PLCL1: variants seen among roughly 807,000 people sequenced by gnomAD.
PLCL1 encodes the protein phospholipase C like 1 (inactive), also known as inactive phospholipase C-like protein 1.
Under a neutral mutation model 84.4 loss-of-function variants are expected in PLCL1, and 41 were observed. The ratio of observed to expected loss-of-function variants is 0.49; its 90% CI spans 0.38 to 0.63. The LOEUF (loss-of-function observed/expected upper bound fraction) is 0.63, where lower values mean the gene tolerates loss of function less well. Among genes scored for constraint, PLCL1 ranks in the 30% least tolerant of loss-of-function variants. The pLI, the probability that PLCL1 is intolerant of heterozygous loss-of-function variation, is 0.00. For missense variants in PLCL1, 1,206 were observed against 1,367.8 expected, an observed-to-expected ratio of 0.88 and a Z score of 1.87; for synonymous variants, 490 against 488.3, an observed-to-expected ratio of 1.00 and a Z score of -0.05.
chr2:198,035,762 C>T (rs976541410), intron 1 of PLCL1, among the ~76,000 whole-genome samples: 1 of 152,202 alleles, frequency 6.6e-6, no homozygotes, highest in East Asian at 1.9e-4. Context: ...TGGCTGGATG[C>T]GGTGGCTCAC....
At chr2:198,079,547 G>A (rs6716898) in intron 1 of PLCL1, among the ~76,000 whole-genome samples, 77,616 of 151,742 alleles carry the variant, frequency 0.51, 20,562 homozygotes, top group Middle Eastern at 0.66. Flanking sequence ...GTGCTCATAG[G>A]TAAATCAATC....
intron 1 of PLCL1, among the ~76,000 whole-genome samples, chr2:197,859,180 C>CTG (rs3056078): frequency 0.73 from 110,429 of 151,872 alleles, 41,196 homozygotes; most frequent in African/African-American, 0.9. Flanking sequence ...ACCACTAGCT[C>CTG]TGCCTGAAAT....
intron 1 of PLCL1, among the ~76,000 whole-genome samples, chr2:197,878,805 G>T (rs1220440532): frequency 6.6e-6 from 1 of 152,136 alleles, no homozygotes; most frequent in African/African-American, 2.4e-5. Context: ...GGGAGGGAGA[G>T]TCAAGGAAAT....
chr2:197,987,418 G>A (rs555677908), intron 1 of PLCL1, among the ~76,000 whole-genome samples: 1 of 152,296 alleles, frequency 6.6e-6, no homozygotes, highest in African/African-American at 2.4e-5. Context: ...CTCCTTTGGA[G>A]GGGGCATTTG....
At chr2:197,822,969 A>G (rs1302596631) in intron 1 of PLCL1, among the ~76,000 whole-genome samples, 1 of 152,208 alleles carries the variant, frequency 6.6e-6, no homozygotes, top group Non-Finnish European at 1.5e-5. Flanking sequence ...TGGCAGCTGG[A>G]TTCAATTTAA....
At chr2:197,990,870 T>G (rs1053489472) in intron 1 of PLCL1, among the ~76,000 whole-genome samples, 2 of 152,150 alleles carry the variant, frequency 1.3e-5, no homozygotes, top group Admixed American at 6.5e-5. Context: ...ACTCATGGAA[T>G]TTATAGCATT....
intron 1 of PLCL1, among the ~76,000 whole-genome samples, chr2:198,011,199 TTTA>T (rs1690860989): frequency 6.6e-6 from 1 of 151,888 alleles, no homozygotes; most frequent in Non-Finnish European, 1.5e-5. Flanking sequence ...AAGGTATAAA[TTTA>T]GGTTGTTGAT....
intron 1 of PLCL1, among the ~76,000 whole-genome samples, chr2:197,859,087 A>T (rs866277072): frequency 3.3e-5 from 5 of 152,300 alleles, no homozygotes; most frequent in Middle Eastern, 3.4e-3. Context: ...GAGGCATAAG[A>T]TTAGCCCAGA....
intron 1 of PLCL1, among the ~76,000 whole-genome samples, chr2:197,915,810 C>T (rs1490482016): frequency 6.6e-6 from 1 of 152,104 alleles, no homozygotes; most frequent in Non-Finnish European, 1.5e-5. Context: ...CTTGGTGATG[C>T]GAAGGCTGAG....
intron 5 of PLCL1, among the ~76,000 whole-genome samples, chr2:198,132,878 G>C (rs972223634): frequency 1.1e-4 from 16 of 151,598 alleles, no homozygotes; most frequent in Non-Finnish European, 2.1e-4. Flanking sequence ...ATTGCTTTTG[G>C]TGTTTTGGAC....
At chr2:197,905,711 C>T (rs1461663843) in intron 1 of PLCL1, among the ~76,000 whole-genome samples, 1 of 152,216 alleles carries the variant, frequency 6.6e-6, no homozygotes, top group Admixed American at 6.5e-5. Context: ...TCCTATTTCT[C>T]CACAGCCTTG....
At chr2:198,001,873 C>T (rs372215840) in intron 1 of PLCL1, 166 of 317,744 alleles carry the variant, frequency 5.2e-4, no homozygotes, top group African/African-American at 3.3e-3. Flanking sequence ...GTGAACTGTG[C>T]GTGTGAGGGA....
intron 1 of PLCL1, among the ~76,000 whole-genome samples, chr2:197,960,950 G>A (rs766588844): frequency 5.3e-5 from 8 of 151,972 alleles, no homozygotes; most frequent in Admixed American, 1.3e-4. Flanking sequence ...AATAGTATTC[G>A]ATTATAAATT....
chr2:197,946,215 T>C (rs1005052278), intron 1 of PLCL1, among the ~76,000 whole-genome samples: 1 of 152,212 alleles, frequency 6.6e-6, no homozygotes, highest in African/African-American at 2.4e-5. Flanking sequence ...GAGGCTTTTC[T>C]ATTTATTTAT....
chr2:197,832,393 T>C (rs535762849), intron 1 of PLCL1, among the ~76,000 whole-genome samples: 50 of 152,090 alleles, frequency 3.3e-4, no homozygotes, highest in Non-Finnish European at 6.2e-4. Flanking sequence ...GCAAATAAAC[T>C]AGAAATTCTA....
chr2:197,875,584 T>C (rs1039373347), intron 1 of PLCL1, among the ~76,000 whole-genome samples: 7 of 152,144 alleles, frequency 4.6e-5, no homozygotes, highest in Admixed American at 4.6e-4. Flanking sequence ...TATACTTCAG[T>C]ATAAAAAGCT....
At chr2:197,823,958 T>C (rs1232231635) in intron 1 of PLCL1, among the ~76,000 whole-genome samples, 1 of 152,140 alleles carries the variant, frequency 6.6e-6, no homozygotes, top group Non-Finnish European at 1.5e-5. Context: ...TTCCTCAAAT[T>C]CTAGAGTAAA....
At chr2:198,127,368 A>G (rs1214304663) in intron 5 of PLCL1, among the ~76,000 whole-genome samples, 1 of 152,194 alleles carries the variant, frequency 6.6e-6, no homozygotes, top group South Asian at 2.1e-4. Context: ...TTTTCCAAAC[A>G]GTAAGTATAA....
rs1278634962 is a variant in PLCL1, at chr2:197,805,640, A to C, written c.240+301A>C. Reference sequence around the variant, plus strand: ...GCTTCACTAAACCGTTGATGGAGGGAGGAAGGGAGAACTCTGGATAAATGC... The same window carrying C: ...GCTTCACTAAACCGTTGATGGAGGGCGGAAGGGAGAACTCTGGATAAATGC... On this transcript the variant is annotated intron_variant, in intron 1 of 5. Coordinates refer to ENST00000428675, the MANE Select transcript of PLCL1 (RefSeq NM_006226.4). This position sits in a 1 kb window ranked among gnomAD's most constrained non-coding sequence, Gnocchi z 4.0. Among the ~76,000 whole-genome samples, 1 of 152,126 alleles carries C rather than the reference A, an allele frequency of 6.6e-6. No homozygotes were observed. Among genetic ancestry groups the C allele is most frequent in the Admixed American group, 6.5e-5 (1 of 15,284 alleles).
Sources: gnomAD v4.1 joint callset for allele counts (sites outside exome capture counted in the v4.1 genomes callset) on GRCh38, gnomAD v4.1.1 for gene constraint, Gnocchi (gnomAD v3.1) non-coding constraint, MANE v1.5 for transcripts, NCBI Gene and HGNC (gene_info 2026-07-23, HGNC 2026-07-21) for gene names.